The following WNT11 variants were observed in gnomAD, a reference collection of about 807,000 sequenced individuals.
The protein encoded by WNT11 is protein Wnt-11.
Under a neutral mutation model 35.6 loss-of-function variants are expected in WNT11, and 20 were observed. The ratio of observed to expected loss-of-function variants is 0.56; its 90% CI spans 0.40 to 0.82. The LOEUF is 0.82. Among genes scored for constraint, WNT11 ranks in the 40% least tolerant of loss-of-function variants. The pLI is 0.00. For synonymous variants in WNT11, 200 were observed against 211.9 expected (o/e 0.94, Z 0.49); for missense variants, 459 against 504.4 (o/e 0.91, Z 0.86).
chr11:76,187,564 C>T lies in WNT11; in HGVS notation c.891-325G>A, dbSNP rs566932650. 1.3e-4 allele frequency among the ~76,000 whole-genome samples: 20 copies of T among 151,468 alleles called. No homozygotes were observed. The South Asian group carries it at 1.9e-3, about 14-fold the overall frequency. On this transcript the variant is annotated intron_variant, in intron 4 of 4. Transcript: ENST00000322563. ...CTGCAGCCTTGACCCCCGCCTTCCCCACCACCCAGGCCCCCGGCTCAAGTG... is the reference window on the plus strand; with the variant it reads ...CTGCAGCCTTGACCCCCGCCTTCCCTACCACCCAGGCCCCCGGCTCAAGTG...
intron 4 of WNT11, among the ~76,000 whole-genome samples, chr11:76,187,686 A>T (rs1953119478): frequency 6.6e-6 from 1 of 151,686 alleles, no homozygotes; most frequent in South Asian, 2.1e-4. Flanking sequence ...ATCCCACTAT[A>T]TTGCTCAGGC....
intron 1 of WNT11, among the ~76,000 whole-genome samples, chr11:76,204,672 C>A (rs1023358115): frequency 6.6e-6 from 1 of 152,204 alleles, no homozygotes; most frequent in South Asian, 2.1e-4. Context: ...GAGTTGTACC[C>A]ATTTCTGTGG....
chr11:76,186,789 C>T lies in WNT11; in HGVS notation c.*276G>A, dbSNP rs967355068. 7 of 564,160 alleles carry T rather than the reference C, an allele frequency of 1.2e-5. No individual in the cohort carries two copies. The East Asian group carries it at 2.1e-4, about 17-fold the overall frequency. The allele number at this position is 564,160 out of a possible 1,614,324, so 34.9% of individuals were successfully genotyped here. On this transcript the variant is annotated 3_prime_UTR_variant, in exon 5 of 5. Coordinates refer to ENST00000322563, the MANE Select transcript of WNT11 (RefSeq NM_004626.3). ...TATCAGTCTCACCGATCCCAAGCCC[C>T]GCTCCTTACACCAGCCTGTGGGCAC... is the stretch of plus-strand genomic sequence containing the variant.
rs35750929 is a variant in WNT11, at chr11:76,187,509, C to T, written c.891-270G>A. Among the ~76,000 whole-genome samples the T allele has an allele frequency of 4.6e-5, 7 of 152,296 alleles. No individual in the cohort carries two copies. In the South Asian group the frequency reaches 1.5e-3, roughly 32 times the overall value. On this transcript the variant is annotated intron_variant, in intron 4 of 4. Transcript: ENST00000322563. ...ATGGGGTCTCACTCTGTTGCCCAGG[C>T]TGGAGTGCAGTGGTTGTGATCATGG...
chr11:76,202,300 G>A (rs1328896645), intron 1 of WNT11, among the ~76,000 whole-genome samples: 2 of 152,178 alleles, frequency 1.3e-5, no homozygotes, highest in African/African-American at 4.8e-5. Flanking sequence ...GCTGATGAGG[G>A]CTGCGGGCTG....
At chr11:76,204,074 A>G (rs1346358163) in intron 1 of WNT11, among the ~76,000 whole-genome samples, 1 of 152,216 alleles carries the variant, frequency 6.6e-6, no homozygotes, top group African/African-American at 2.4e-5. Context: ...GGAACAATAT[A>G]CATAAGGCAC....
At chr11:76,204,460 C>T (rs925073184) in intron 1 of WNT11, among the ~76,000 whole-genome samples, 8 of 152,212 alleles carry the variant, frequency 5.3e-5, no homozygotes, top group Admixed American at 2.6e-4. Context: ...CCGCCTAGGA[C>T]GCCTGCTTTG....
At chr11:76,187,836 C>T (rs1047582519) in intron 4 of WNT11, among the ~76,000 whole-genome samples, 2 of 151,966 alleles carry the variant, frequency 1.3e-5, no homozygotes, top group Admixed American at 6.6e-5. Flanking sequence ...CTTCTAAATA[C>T]TGGAAGGACC....
chr11:76,209,824 T>C (rs935029807), upstream of WNT11, among the ~76,000 whole-genome samples: 6 of 149,820 alleles, frequency 4.0e-5, no homozygotes, highest in Non-Finnish European at 7.4e-5. Context: ...GTGGAGCTCG[T>C]GCGCGAGCTC....
intron 1 of WNT11, among the ~76,000 whole-genome samples, chr11:76,203,519 G>C (rs754389179): frequency 2.3e-4 from 35 of 152,218 alleles, no homozygotes; most frequent in Admixed American, 1.6e-3. Flanking sequence ...GCCAAGAAGG[G>C]GGTGGACAGC....
At chr11:76,197,671 C>T (rs540560539) in intron 1 of WNT11, among the ~76,000 whole-genome samples, 288 of 152,270 alleles carry the variant, frequency 1.9e-3, no homozygotes, top group Non-Finnish European at 2.9e-3. Flanking sequence ...TCCACCTCGT[C>T]CGTGCTTTGG....
At chr11:76,199,564 G>T (rs1356640467) in intron 1 of WNT11, among the ~76,000 whole-genome samples, 3 of 152,126 alleles carry the variant, frequency 2.0e-5, no homozygotes, top group Admixed American at 2.0e-4. Flanking sequence ...CAGCAATTTG[G>T]GAGGCTGAGG....
chr11:76,197,168 C>CTG (rs1953301523), intron 1 of WNT11, among the ~76,000 whole-genome samples: 1 of 152,230 alleles, frequency 6.6e-6, no homozygotes, highest in African/African-American at 2.4e-5. Context: ...AATAATTATA[C>CTG]ATACTATTAA....
chr11:76,192,106 G>A (rs1459406348), intron 3 of WNT11, among the ~76,000 whole-genome samples: 1 of 152,176 alleles, frequency 6.6e-6, no homozygotes, highest in African/African-American at 2.4e-5. Flanking sequence ...AGCACCTGCT[G>A]TATACCAAGC....
At chr11:76,203,450 C>T (rs976360693) in intron 1 of WNT11, among the ~76,000 whole-genome samples, 4 of 152,208 alleles carry the variant, frequency 2.6e-5, no homozygotes, top group African/African-American at 7.2e-5. Context: ...CTCACCCCAC[C>T]GCTTCCGTGG....
upstream of WNT11, chr11:76,210,376 C>T: frequency 1.0e-6 from 1 of 961,040 alleles, no homozygotes; most frequent in Non-Finnish European, 1.2e-6. Context: ...GGGGTCGTGG[C>T]GGGTGCGAGA....
intron 1 of WNT11, among the ~76,000 whole-genome samples, chr11:76,205,134 G>A (rs1253937669): frequency 6.6e-6 from 1 of 152,206 alleles, no homozygotes; most frequent in Admixed American, 6.5e-5. Flanking sequence ...AGAAAGGCAG[G>A]AAGACGGGGT....
chr11:76,193,070 G>A (rs1025922624), intron 3 of WNT11, among the ~76,000 whole-genome samples: 2 of 152,244 alleles, frequency 1.3e-5, no homozygotes, highest in African/African-American at 4.8e-5. Flanking sequence ...TACCCAATCT[G>A]GAATTGTCTG....
chr11:76,198,734 C>A (rs1953327636), intron 1 of WNT11, among the ~76,000 whole-genome samples: 1 of 152,210 alleles, frequency 6.6e-6, no homozygotes, highest in African/African-American at 2.4e-5. Flanking sequence ...CAGCTGTTCT[C>A]ACTCCTGGCC....
Sources: allele counts gnomAD v4.1 joint callset (sites outside exome capture counted in the v4.1 genomes callset), GRCh38; gene constraint gnomAD v4.1.1; transcripts MANE v1.5; gene names NCBI Gene and HGNC (gene_info 2026-07-23, HGNC 2026-07-21).